ANKRD27: variants seen among roughly 807,000 people sequenced by gnomAD.
The protein encoded by ANKRD27 is ankyrin repeat domain 27.
A neutral mutation model predicts 129.7 loss-of-function variants in ANKRD27; 112 were observed. The ratio of observed to expected loss-of-function variants is 0.86; its 90% confidence interval spans 0.74 to 1.01. The LOEUF is 1.01. Among genes scored for constraint, ANKRD27 ranks in the 50% least tolerant of loss-of-function variants. The pLI, the probability that ANKRD27 is intolerant of heterozygous loss-of-function variation, is 0.00. For missense variants in ANKRD27, 1,258 were observed against 1,300.5 expected (o/e 0.97, Z 0.50); for synonymous variants, 516 against 511.2 (o/e 1.01, Z -0.13).
rs1378056867 is a variant in ANKRD27 at position 32,627,378 on chromosome 19, A to T, written c.1421-551T>A. On this transcript the variant is annotated intron_variant, in intron 15 of 28. Transcript: ENST00000306065. The stretch of plus-strand genomic sequence containing the variant: ...TGCACTTTATTTTATTTATTTATTT[A>T]TTTATTTATTTATTTATTTATTTAT... 8.0e-4 allele frequency among the ~76,000 whole-genome samples: 36 copies of T among 45,194 alleles called. 1 individual carries two copies. Among genetic ancestry groups the T allele is most frequent in the African/African-American group, 4.1e-3 (15 of 3,638 alleles). 29.6% of individuals were successfully genotyped at this position (45,194 alleles called of 152,430 possible). A position where few individuals can be genotyped will look rare whatever the true frequency, so the allele number is the denominator to read the frequency against.
chr19:32,655,393 G>C (rs2145314152), intron 2 of ANKRD27: 1 of 152,468 alleles, frequency 6.6e-6, no homozygotes, highest in Non-Finnish European at 1.5e-5. Flanking sequence ...GCAGTTCCTT[G>C]TGGATGCCTT....
chr19:32,634,214 A>G (rs1222125987), intron 12 of ANKRD27, among the ~76,000 whole-genome samples: 1 of 152,196 alleles, frequency 6.6e-6, no homozygotes, highest in Non-Finnish European at 1.5e-5. Flanking sequence ...AGGAAACACC[A>G]TCAATACATA....
rs758742646 is a variant in ANKRD27 at position 32,599,983 on chromosome 19, A to G, written c.2835T>C (p.Ala945=). Reference sequence around the variant, plus strand: ...AGTTTCATACTCACTTAAACTGACCAGCTGAGTGGACAAAGTAAAACTGTC... The same window carrying G: ...AGTTTCATACTCACTTAAACTGACCGGCTGAGTGGACAAAGTAAAACTGTC... The part of the protein sequence containing the change: ...FTRQFYFVHS[A]GQFKGKTSRE... Residue 945 remains alanine, a synonymous_variant, in exon 27 of 29, where the codon GCT becomes GCC. Transcript: ENST00000306065. 4.5e-5 allele frequency: 73 copies of G among 1,612,578 alleles called. No homozygotes were observed. Among genetic ancestry groups the G allele is most frequent in the Non-Finnish European group, 5.5e-5 (65 of 1,179,030 alleles).
At chr19:32,656,101 A>AAGAAAGAG (rs1185096797) in intron 2 of ANKRD27, among the ~76,000 whole-genome samples, 1 of 122,284 alleles carries the variant, frequency 8.2e-6, no homozygotes, top group African/African-American at 3.6e-5. Context: ...GAAAGAAAGA[A>AAGAAAGAG]AGAAAGAAAA....
At chr19:32,658,399 CT>C (rs202071018) in intron 2 of ANKRD27, among the ~76,000 whole-genome samples, 5,663 of 152,320 alleles carry the variant, frequency 0.037, 121 homozygotes, top group Middle Eastern at 0.071. Flanking sequence ...CTGGCTGCCC[CT>C]GAAGGCTTCT....
At chr19:32,650,929 G>C (rs1176964638) in intron 2 of ANKRD27, among the ~76,000 whole-genome samples, 1 of 150,506 alleles carries the variant, frequency 6.6e-6, no homozygotes, top group East Asian at 2.0e-4. Flanking sequence ...TTTTTAAGTA[G>C]AGATGAGATC....
At chr19:32,649,184 G>A (rs1474248197) in intron 3 of ANKRD27, among the ~76,000 whole-genome samples, 1 of 151,920 alleles carries the variant, frequency 6.6e-6, no homozygotes, top group African/African-American at 2.4e-5. Flanking sequence ...TGTTTTCCAG[G>A]CTGGTCTCAA....
At chr19:32,632,615 CTAGA>C (rs1280817886) in intron 12 of ANKRD27, among the ~76,000 whole-genome samples, 1 of 147,246 alleles carries the variant, frequency 6.8e-6, no homozygotes, top group Admixed American at 6.7e-5. Flanking sequence ...AGGCAAAACT[CTAGA>C]TACTTTCCAT....
intron 1 of ANKRD27, among the ~76,000 whole-genome samples, chr19:32,659,287 G>C (rs1035012025): frequency 6.6e-6 from 1 of 152,004 alleles, no homozygotes; most frequent in East Asian, 1.9e-4. Context: ...TGCCATGTTG[G>C]CCAGGCTGGT....
At chr19:32,606,838 C>T (rs1008021628) in intron 23 of ANKRD27, among the ~76,000 whole-genome samples, 2 of 149,254 alleles carry the variant, frequency 1.3e-5, no homozygotes, top group Non-Finnish European at 3.0e-5. Flanking sequence ...TGCTGTGGCT[C>T]ATCCCTGTAA....
Position 32,657,971 on chromosome 19 carries a change from T to C in ANKRD27, c.102+943A>G, listed in dbSNP as rs187228181. On this transcript the variant is annotated intron_variant, in intron 2 of 28. Transcript: ENST00000306065. ...GCCTGGGTGACAGAGCAAGACTCTG[T>C]CTCAAAAAAATTTAATAAATAAAAA... 1.3e-3 allele frequency among the ~76,000 whole-genome samples: 193 copies of C among 152,074 alleles called. 1 individual carries two copies. Among genetic ancestry groups the C allele is most frequent in the Non-Finnish European group, 2.2e-3 (147 of 68,000 alleles).
rs77451283 is a variant in ANKRD27 at position 32,611,504 on chromosome 19, T to C, written c.2176-3672A>G. ...TCAATATCCTTAGAGTCACCCACGC[T>C]GAAGTTCTTTTTAGAAATGGTAAAA... On this transcript the variant is annotated intron_variant, in intron 22 of 28. Transcript: ENST00000306065. Among the ~76,000 whole-genome samples the C allele has an allele frequency of 5.7e-3, 872 of 152,344 alleles. 3 individuals are homozygous for C. Among genetic ancestry groups the C allele is most frequent in the Non-Finnish European group, 9.3e-3 (631 of 68,042 alleles).
Position 32,644,492 on chromosome 19 carries a change from C to CA in ANKRD27, c.371-14dup. 1 of 1,612,002 alleles carries CA rather than the reference C, an allele frequency of 6.2e-7. No individual in the cohort carries two copies. On this transcript the variant is annotated splice_polypyrimidine_tract_variant and intron_variant, in intron 4 of 28. Coordinates refer to ENST00000306065, the MANE Select transcript of ANKRD27 (RefSeq NM_032139.3). ...GCCAAAGGCTCTTCTGAAAAAGAAA[C>CA]AAACAGGTCAGGCCGGCTGAAGCCT...
At chr19:32,650,545 G>A (rs1214394313) in intron 2 of ANKRD27, among the ~76,000 whole-genome samples, 9 of 152,092 alleles carry the variant, frequency 5.9e-5, no homozygotes, top group Non-Finnish European at 1.0e-4. Context: ...AAATTAGCCA[G>A]GTATGGTGGC....
intron 22 of ANKRD27, among the ~76,000 whole-genome samples, chr19:32,609,369 C>T (rs1365399572): frequency 1.3e-5 from 2 of 152,124 alleles, no homozygotes; most frequent in Admixed American, 6.5e-5. Context: ...AAGGCCTGTA[C>T]ACAAATGTTC....
intron 16 of ANKRD27, 43 bp downstream of exon 16, chr19:32,626,669 C>T: frequency 6.7e-7 from 1 of 1,483,516 alleles, no homozygotes; most frequent in Non-Finnish European, 9.2e-7. Flanking sequence ...ACCAAGCTCA[C>T]AGGAGCAAAG....
chr19:32,614,073 G>A (rs1971875149), intron 22 of ANKRD27, among the ~76,000 whole-genome samples: 3 of 152,132 alleles, frequency 2.0e-5, no homozygotes, highest in African/African-American at 7.2e-5. Flanking sequence ...GGGGATGGTG[G>A]GGTGGGCGTG....
intron 1 of ANKRD27, among the ~76,000 whole-genome samples, chr19:32,664,661 A>ATAAT (rs1555748659): frequency 2.1e-5 from 3 of 141,318 alleles, no homozygotes; most frequent in Non-Finnish European, 3.0e-5. Context: ...AATAATAATA[A>ATAAT]AAAGTTCTTC....
In ANKRD27 at chr19:32,607,814, C is replaced by G; in HGVS notation, c.2194G>C (p.Ala732Pro). The G allele has an allele frequency of 6.2e-7, 1 of 1,602,446 alleles. No individual in the cohort carries two copies. Among genetic ancestry groups the G allele is most frequent in the Non-Finnish European group, 8.5e-7 (1 of 1,175,842 alleles). Residue 732 changes from alanine (A) to proline (P), a missense_variant, in exon 23 of 29, where the codon GCC becomes CCC. Coordinates refer to ENST00000306065, the MANE Select transcript of ANKRD27 (RefSeq NM_032139.3). Reference protein sequence around the residue: ...PAQKRLAKVPASGLGVNVTSQ... With the variant: ...PAQKRLAKVPPSGLGVNVTSQ... ...GTCACGTTCACACCAAGCCCACTGG[C>G]AGGAACCTTCGCCAGCCTCTGGGAA...
Sources: allele counts gnomAD v4.1 joint callset (sites outside exome capture counted in the v4.1 genomes callset), GRCh38; gene constraint gnomAD v4.1.1; transcripts MANE v1.5; gene names NCBI Gene and HGNC (gene_info 2026-07-23, HGNC 2026-07-21).